Variants in CADM2 observed in about 807,000 individuals in gnomAD.
CADM2 encodes the protein cell adhesion molecule 2.
Under a neutral mutation model 49.8 loss-of-function variants are expected in CADM2, and 12 were observed. The ratio of observed to expected loss-of-function variants is 0.24; its 90% CI spans 0.15 to 0.39. The LOEUF (loss-of-function observed/expected upper bound fraction) is 0.39. CADM2 is among the 10% of genes least tolerant of loss of function. The pLI, the probability that CADM2 is intolerant of heterozygous loss-of-function variation, is 1.00. For missense variants in CADM2, 378 were observed against 492.3 expected (o/e 0.77, Z 2.20); for synonymous variants, 214 against 175.4 (o/e 1.22, Z -1.74).
At chr3:85,760,115 A>G (rs2069302737) in intron 2 of CADM2, among the ~76,000 whole-genome samples, 1 of 152,120 alleles carries the variant, frequency 6.6e-6, no homozygotes, top group African/African-American at 2.4e-5. Flanking sequence ...AAACATCCAC[A>G]TATAATGTCA....
At chr3:85,639,080 A>T (rs2064618550) in intron 1 of CADM2, among the ~76,000 whole-genome samples, 1 of 152,210 alleles carries the variant, frequency 6.6e-6, no homozygotes, top group Non-Finnish European at 1.5e-5. Flanking sequence ...AATTAGTTTA[A>T]ATTTGTAGGT....
At chr3:85,672,309 C>T (rs2065765952) in intron 1 of CADM2, among the ~76,000 whole-genome samples, 1 of 151,184 alleles carries the variant, frequency 6.6e-6, no homozygotes, top group Non-Finnish European at 1.5e-5. Context: ...TCTCCTGCCT[C>T]AGCCTCCCGA....
At chr3:86,008,197 G>C (rs569705283) in intron 8 of CADM2, among the ~76,000 whole-genome samples, 35 of 152,192 alleles carry the variant, frequency 2.3e-4, no homozygotes, top group African/African-American at 4.3e-4. Flanking sequence ...ATCTTTTCTA[G>C]TCAAGGAAAA....
chr3:85,961,217 A>G lies in CADM2; in HGVS notation c.792-252A>G, dbSNP rs184742469. Among the ~76,000 whole-genome samples, 54 of 150,794 alleles carry G rather than the reference A, an allele frequency of 3.6e-4. 1 individual carries two copies. In the East Asian group the frequency reaches 7.4e-3, roughly 21 times the overall value. On this transcript the variant is annotated intron_variant, in intron 7 of 9. Coordinates refer to ENST00000383699, the MANE Select transcript of CADM2 (RefSeq NM_001167675.2). ...CGACTTGAGCAGGGGACCAGAAATGACTGCTACTGGGACTCAACAAATTAG... is the reference window on the plus strand; with the variant it reads ...CGACTTGAGCAGGGGACCAGAAATGGCTGCTACTGGGACTCAACAAATTAG...
At chr3:85,249,673 T>A (rs143609032) in intron 1 of CADM2, among the ~76,000 whole-genome samples, 46 of 152,096 alleles carry the variant, frequency 3.0e-4, no homozygotes, top group African/African-American at 1.1e-3. Flanking sequence ...GGTCTACTTT[T>A]GCAAATGATA....
intron 8 of CADM2, among the ~76,000 whole-genome samples, chr3:85,999,089 G>A (rs545847586): frequency 3.9e-5 from 6 of 152,238 alleles, no homozygotes; most frequent in African/African-American, 1.2e-4. Context: ...ATAGCCAAGT[G>A]AAGATATCTA....
At chr3:85,201,637 C>T (rs2041504108) in intron 1 of CADM2, among the ~76,000 whole-genome samples, 1 of 152,174 alleles carries the variant, frequency 6.6e-6, no homozygotes, top group Admixed American at 6.6e-5. Flanking sequence ...TCTTTAGAAA[C>T]TGGAGTCAAT....
chr3:85,569,701 C>CAAAA (rs781598979), intron 1 of CADM2, among the ~76,000 whole-genome samples: 4 of 114,712 alleles, frequency 3.5e-5, no homozygotes, highest in Non-Finnish European at 5.0e-5. Flanking sequence ...TTTCTAATGG[C>CAAAA]AAAAAAAAAA....
In CADM2 at chr3:85,582,522, G is replaced by A. The variant is rs116694593; in HGVS notation, c.62-144000G>A. Among the ~76,000 whole-genome samples the A allele has an allele frequency of 3.4e-3, 523 of 152,262 alleles. 2 individuals carry two copies. The highest frequency in any genetic ancestry group is 0.012 in the African/African-American group (498 of 41,552). ...TCAACAACAGATATTCTCAAGTTTT[G>A]TTGAGGGCTCTCTTCCTGGCTTATA... is the stretch of plus-strand genomic sequence containing the variant. On this transcript the variant is annotated intron_variant, in intron 1 of 9. Transcript: ENST00000383699.
chr3:85,636,089 G>A (rs967122793), intron 1 of CADM2, among the ~76,000 whole-genome samples: 1 of 152,270 alleles, frequency 6.6e-6, no homozygotes, highest in Middle Eastern at 3.4e-3. Flanking sequence ...ATTGTAGATT[G>A]TACTCCTTCT....
At chr3:85,741,207 G>C (rs950385835) in intron 2 of CADM2, among the ~76,000 whole-genome samples, 4 of 152,204 alleles carry the variant, frequency 2.6e-5, no homozygotes, top group South Asian at 4.1e-4. Context: ...TTCTATTTCA[G>C]TATAAGGAGA....
chr3:85,214,302 C>T (rs1276879258), intron 1 of CADM2, among the ~76,000 whole-genome samples: 1 of 152,122 alleles, frequency 6.6e-6, no homozygotes. Flanking sequence ...GTCTCTCTCT[C>T]TTTGCTGAGC....
chr3:85,144,325 T>C (rs2039667402), intron 1 of CADM2, among the ~76,000 whole-genome samples: 1 of 151,666 alleles, frequency 6.6e-6, no homozygotes, highest in Non-Finnish European at 1.5e-5. Context: ...AAGAACAAGA[T>C]TTGTGCTGGG....
intron 1 of CADM2, among the ~76,000 whole-genome samples, chr3:85,627,845 G>C (rs981376877): frequency 6.6e-6 from 1 of 152,066 alleles, no homozygotes; most frequent in Non-Finnish European, 1.5e-5. Flanking sequence ...ACAAGGTAGA[G>C]AATTGGACAA....
chr3:85,642,451 T>C (rs1024120664), intron 1 of CADM2, among the ~76,000 whole-genome samples: 1 of 152,012 alleles, frequency 6.6e-6, no homozygotes, highest in Non-Finnish European at 1.5e-5. Flanking sequence ...ATTAACCTCA[T>C]AGCAAGGAGG....
chr3:85,347,281 C>T lies in CADM2; in HGVS notation c.62-379241C>T, dbSNP rs1301047163. ...GCAAATTGCAAATTATACTTAATAG[C>T]AATGATCAAAAGGCTGGAGGCATAC... On this transcript the variant is annotated intron_variant, in intron 1 of 9. Transcript: ENST00000383699. Among the ~76,000 whole-genome samples, 98 of 126,132 alleles carry T rather than the reference C, an allele frequency of 7.8e-4. 2 individuals carry two copies. Among genetic ancestry groups the T allele is most frequent in the Non-Finnish European group, 1.6e-4 (10 of 60,640 alleles). 82.7% of individuals were successfully genotyped at this position (126,132 alleles called of 152,430 possible). A position where few individuals can be genotyped will look rare whatever the true frequency, so the allele number is the denominator to read the frequency against.
rs144098653 is a variant in CADM2, at chr3:85,792,722, A to G, written c.89-9325A>G. On this transcript the variant is annotated intron_variant, in intron 2 of 9. Transcript: ENST00000383699. Reference sequence around the variant, plus strand: ...CATTGCCACCACTCATCATCCAATCAAGAGATAGCAAGGCTTGAATGATGT... The same window carrying G: ...CATTGCCACCACTCATCATCCAATCGAGAGATAGCAAGGCTTGAATGATGT... 9.2e-5 allele frequency among the ~76,000 whole-genome samples: 14 copies of G among 152,346 alleles called. No individual in the cohort carries two copies. The East Asian group carries it at 2.7e-3, about 29-fold the overall frequency.
intron 8 of CADM2, among the ~76,000 whole-genome samples, chr3:85,963,840 G>A (rs544584675): frequency 5.5e-4 from 83 of 151,772 alleles, no homozygotes; most frequent in African/African-American, 1.9e-3. Context: ...GTCATTTTTG[G>A]CTTTGCTTTT....
Position 85,600,662 on chromosome 3 carries a change from T to A in CADM2, c.62-125860T>A, listed in dbSNP as rs191470039. 8.9e-3 allele frequency among the ~76,000 whole-genome samples: 1,356 copies of A among 151,822 alleles called. 13 individuals carry two copies. The highest frequency in any genetic ancestry group is 0.012 in the Non-Finnish European group (791 of 67,800). Reference sequence around the variant, plus strand: ...GTATGCTTTTAAGTTGTTTTTTTTTTAAATACGGTTAACTTTCAGAATACA... The same window carrying A: ...GTATGCTTTTAAGTTGTTTTTTTTTAAAATACGGTTAACTTTCAGAATACA... On this transcript the variant is annotated intron_variant, in intron 1 of 9. Transcript: ENST00000383699.
Sources: gnomAD v4.1 joint callset for allele counts (sites outside exome capture counted in the v4.1 genomes callset) on GRCh38, gnomAD v4.1.1 for gene constraint, MANE v1.5 for transcripts, NCBI Gene and HGNC (gene_info 2026-07-23, HGNC 2026-07-21) for gene names.